Variants in DOCK1 observed in about 807,000 individuals in gnomAD.
DOCK1 encodes dedicator of cytokinesis protein 1.
DOCK1 carries 138 observed loss-of-function variants against 262.7 expected under a neutral mutation model. The observed-to-expected ratio is 0.53, with a 90% CI of 0.46 to 0.61. The LOEUF (loss-of-function observed/expected upper bound fraction) is 0.61. DOCK1 is among the 20% of genes least tolerant of loss of function. The pLI is 0.00. For synonymous variants in DOCK1, 866 were observed against 867.4 expected, an observed-to-expected ratio of 1.00 and a Z score of 0.03; for missense variants, 1,908 against 2,370.7, an observed-to-expected ratio of 0.80 and a Z score of 4.05.
At chr10:127,070,001 G>T (rs2046120304) in intron 23 of DOCK1, among the ~76,000 whole-genome samples, 1 of 152,110 alleles carries the variant, frequency 6.6e-6, no homozygotes, top group Non-Finnish European at 1.5e-5. Context: ...TGTGTTCTGT[G>T]CCTTTCTCTA....
chr10:127,350,114 C>A (rs1349288534), intron 31 of DOCK1, among the ~76,000 whole-genome samples: 2 of 152,122 alleles, frequency 1.3e-5, no homozygotes, highest in African/African-American at 4.8e-5. Flanking sequence ...GAAAAAATAT[C>A]AGCATTCATT....
At chr10:127,180,168 C>G (rs951607267) in intron 27 of DOCK1, among the ~76,000 whole-genome samples, 1 of 152,172 alleles carries the variant, frequency 6.6e-6, no homozygotes, top group Non-Finnish European at 1.5e-5. Flanking sequence ...TGAGCAATGC[C>G]CTTGTCTTGT....
intron 29 of DOCK1, among the ~76,000 whole-genome samples, chr10:127,276,015 C>G (rs1055643406): frequency 2.0e-5 from 3 of 152,228 alleles, no homozygotes; most frequent in Non-Finnish European, 2.9e-5. Flanking sequence ...AGAGGCCTCA[C>G]AAGTAGAAGA....
chr10:127,341,483 A>C (rs2063422538), intron 30 of DOCK1, among the ~76,000 whole-genome samples: 1 of 152,218 alleles, frequency 6.6e-6, no homozygotes, highest in Non-Finnish European at 1.5e-5. Context: ...TGATAAATAA[A>C]TTTGGAGTAA....
intron 27 of DOCK1, among the ~76,000 whole-genome samples, chr10:127,186,813 G>C (rs1411004039): frequency 2.0e-5 from 3 of 152,040 alleles, no homozygotes; most frequent in Admixed American, 6.6e-5. Flanking sequence ...AAGAGAGAGA[G>C]GTTGTTAGGG....
At chr10:127,315,714 C>T (rs1310820482) in intron 29 of DOCK1, among the ~76,000 whole-genome samples, 1 of 152,150 alleles carries the variant, frequency 6.6e-6, no homozygotes, top group Non-Finnish European at 1.5e-5. Context: ...ACCTTTTCCA[C>T]ATAGCTGGGT....
intron 23 of DOCK1, among the ~76,000 whole-genome samples, chr10:127,079,012 C>A (rs973352263): frequency 6.6e-6 from 1 of 152,014 alleles, no homozygotes; most frequent in Admixed American, 6.6e-5. Context: ...TTTAATAATC[C>A]CTTTATAAAA....
chr10:127,032,356 G>T, intron 18 of DOCK1, 36 bp downstream of exon 18: 2 of 1,471,104 alleles, frequency 1.4e-6, no homozygotes, highest in Non-Finnish European at 1.8e-6. Flanking sequence ...CACCCCAGGA[G>T]CTCTGCCCCA....
chr10:127,336,743 G>C (rs1056002024), intron 29 of DOCK1, among the ~76,000 whole-genome samples: 1 of 152,112 alleles, frequency 6.6e-6, no homozygotes, highest in Non-Finnish European at 1.5e-5. Context: ...GTTTCACTGT[G>C]TTAGCCAGGA....
intron 1 of DOCK1, among the ~76,000 whole-genome samples, chr10:126,907,560 G>A (rs2133985378): frequency 6.6e-6 from 1 of 152,280 alleles, no homozygotes; most frequent in East Asian, 1.9e-4. Flanking sequence ...GTGCTTGCCT[G>A]CAGATGGGGA....
At chr10:126,970,861 G>C in intron 2 of DOCK1, 76 bp downstream of exon 2, 1 of 1,508,622 alleles carries the variant, frequency 6.6e-7, no homozygotes, top group Non-Finnish European at 9.0e-7. Context: ...GCTGGGCAAA[G>C]CATTCCTCTG....
chr10:127,202,127 A>G (rs968359164), intron 27 of DOCK1, among the ~76,000 whole-genome samples: 1 of 152,178 alleles, frequency 6.6e-6, no homozygotes, highest in Non-Finnish European at 1.5e-5. Context: ...GTTCGAGACC[A>G]GCCTGGCCAC....
intron 1 of DOCK1, among the ~76,000 whole-genome samples, chr10:126,940,976 T>C (rs895178426): frequency 2.1e-4 from 32 of 152,366 alleles, no homozygotes; most frequent in African/African-American, 7.7e-4. Context: ...TGAATCCATA[T>C]ATATGAGAAA....
At chr10:126,966,798 G>GA (rs1220151320) in intron 1 of DOCK1, among the ~76,000 whole-genome samples, 3 of 151,966 alleles carry the variant, frequency 2.0e-5, no homozygotes, top group Non-Finnish European at 4.4e-5. Context: ...CCTAGAAAAA[G>GA]AAAAAAACAA....
chr10:127,264,160 T>C (rs2060274804), intron 29 of DOCK1, among the ~76,000 whole-genome samples: 1 of 152,218 alleles, frequency 6.6e-6, no homozygotes, highest in African/African-American at 2.4e-5. Context: ...AGTTGTCAGC[T>C]ACTGAGACTT....
At chr10:126,911,394 T>C (rs1481409700) in intron 1 of DOCK1, among the ~76,000 whole-genome samples, 5 of 152,062 alleles carry the variant, frequency 3.3e-5, no homozygotes, top group Admixed American at 3.3e-4. Context: ...AGCTGTGAAA[T>C]TGTCCAGTGT....
chr10:126,991,978 A>G (rs1291307222), intron 6 of DOCK1, among the ~76,000 whole-genome samples: 2 of 152,230 alleles, frequency 1.3e-5, no homozygotes, highest in Non-Finnish European at 2.9e-5. Flanking sequence ...AGCAGAAAGG[A>G]GTCCGGGTAA....
chr10:127,195,053 T>A (rs1004905864), intron 27 of DOCK1, among the ~76,000 whole-genome samples: 9 of 152,244 alleles, frequency 5.9e-5, no homozygotes, highest in African/African-American at 2.2e-4. Context: ...GAGGCACCTC[T>A]CCTCCCCCAC....
chr10:127,165,631 G>A (rs980880792), intron 27 of DOCK1, among the ~76,000 whole-genome samples: 3 of 152,068 alleles, frequency 2.0e-5, no homozygotes, highest in Non-Finnish European at 4.4e-5. Flanking sequence ...TTGTTCACAT[G>A]GATGTGGACA....
Sources: allele counts gnomAD v4.1 joint callset (sites outside exome capture counted in the v4.1 genomes callset), GRCh38; gene constraint gnomAD v4.1.1; transcripts MANE v1.5; gene names NCBI Gene and HGNC (gene_info 2026-07-23, HGNC 2026-07-21).